PXDNL: variants seen among roughly 807,000 people sequenced by gnomAD.
PXDNL encodes peroxidasin like.
In PXDNL, 145 loss-of-function variants were observed where a neutral mutation model predicts 150.8. That is an observed-to-expected ratio of 0.96 (90% CI 0.84 to 1.10). The LOEUF is 1.10. Ranked by LOEUF, PXDNL falls within the 50% of genes least tolerant of loss-of-function variation. The pLI, the probability that PXDNL is intolerant of heterozygous loss-of-function variation, is 0.00. For synonymous variants in PXDNL, 757 were observed against 725.7 expected (o/e 1.04, Z -0.69); for missense variants, 2,087 against 1,873.9 (o/e 1.11, Z -2.10).
intron 2 of PXDNL, among the ~76,000 whole-genome samples, chr8:51,622,999 G>A (rs1396216361): frequency 1.3e-5 from 2 of 152,212 alleles, no homozygotes; most frequent in African/African-American, 4.8e-5. Flanking sequence ...ATAGGTAGCT[G>A]TTCAAAACCT....
chr8:51,453,589 A>G lies in PXDNL; in HGVS notation c.1179T>C (p.His393=). The G allele has an allele frequency of 1.2e-6, 2 of 1,614,044 alleles. No individual in the cohort carries two copies. The highest frequency in any genetic ancestry group is 1.7e-6 in the Non-Finnish European group (2 of 1,179,888). ...TGTTGGCATGACAGGTAAATCGACC[A>G]TGATCCCGTTGTGTGATGTTCTGTA... ...LYLQNITQRD[H]GRFTCHANNS... The change falls in exon 10 of 23, where the codon CAT becomes CAC. Residue 393 remains histidine, a synonymous_variant. Transcript: ENST00000356297.
intron 6 of PXDNL, among the ~76,000 whole-genome samples, chr8:51,480,207 C>A (rs944143757): frequency 6.6e-6 from 1 of 152,138 alleles, no homozygotes; most frequent in African/African-American, 2.4e-5. Flanking sequence ...ACAAAAGTGG[C>A]CTCTGTATTA....
chr8:51,409,624 A>G lies in PXDNL; in HGVS notation c.2063-63T>C. The G allele has an allele frequency of 2.9e-6, 4 of 1,400,084 alleles. No individual in the cohort carries two copies. In the South Asian group the frequency reaches 5.8e-5, roughly 20 times the overall value. The allele number at this position is 1,400,084 out of a possible 1,614,324, so 86.7% of individuals were successfully genotyped here. ...CCTGGGAGGGCGCGGGCAACTTGGA[A>G]CTCCAGATGCTGCGGGAACCACCTC... On this transcript the variant is annotated intron_variant, in intron 16 of 22. Transcript: ENST00000356297.
chr8:51,439,765 C>A (rs1350632165), intron 12 of PXDNL, among the ~76,000 whole-genome samples: 2 of 136,548 alleles, frequency 1.5e-5, no homozygotes, highest in African/African-American at 5.5e-5. Flanking sequence ...GCAGAGGTTG[C>A]AGTAAGCCAA....
In PXDNL at chr8:51,498,711, G is replaced by A. The variant is rs536085179; in HGVS notation, c.452+988C>T. Among the ~76,000 whole-genome samples, 17 of 152,210 alleles carry A rather than the reference G, an allele frequency of 1.1e-4. 1 individual carries two copies. In the South Asian group the frequency reaches 1.9e-3, roughly 17 times the overall value. On this transcript the variant is annotated intron_variant, in intron 5 of 22. Transcript: ENST00000356297. ...GAATACAAAACATTGCCAGGCCTAC[G>A]GAGGCTCCTCCTGCCATTTCCAATG...
chr8:51,665,002 C>T (rs907658662), intron 1 of PXDNL, among the ~76,000 whole-genome samples: 3 of 152,202 alleles, frequency 2.0e-5, no homozygotes, highest in African/African-American at 4.8e-5. Context: ...TGGGAGCACC[C>T]GCACAGGAGG....
At position 51,409,547 on chromosome 8, in the gene PXDNL, C is replaced by A; in HGVS notation, c.2077G>T (p.Asp693Tyr). 1 of 1,582,408 alleles carries A rather than the reference C, an allele frequency of 6.3e-7. No individual in the cohort carries two copies. The highest frequency in any genetic ancestry group is 8.6e-7 in the Non-Finnish European group (1 of 1,162,790). Residue 693 changes from aspartate to tyrosine, a missense_variant, in exon 17 of 23, where the codon GAC becomes TAC. Physicochemically the swap from Asp to Tyr is radical, Grantham distance 160 (BLOSUM62 -3). Transcript: ENST00000356297. ...CTGAGGGAGCGCGGGGACACCAAGT[C>A]ATTGTACCGGAATTCTGAAAGGCAA... Reference protein sequence around the residue: ...DLEGKEFRYNDLVSPRSLSLI... With the variant: ...DLEGKEFRYNYLVSPRSLSLI...
chr8:51,658,672 A>G (rs1372341386), intron 1 of PXDNL, among the ~76,000 whole-genome samples: 1 of 152,196 alleles, frequency 6.6e-6, no homozygotes, highest in Admixed American at 6.5e-5. Context: ...TTTAAATTCA[A>G]ATGGCCACCA....
At chr8:51,797,247 C>G (rs751285258) in intron 1 of PXDNL, among the ~76,000 whole-genome samples, 1 of 152,100 alleles carries the variant, frequency 6.6e-6, no homozygotes, top group Non-Finnish European at 1.5e-5. Context: ...AGAAGCATTC[C>G]CCTTGAAAAC....
At chr8:51,535,897 C>T (rs545542851) in intron 4 of PXDNL, among the ~76,000 whole-genome samples, 49 of 152,218 alleles carry the variant, frequency 3.2e-4, no homozygotes, top group African/African-American at 1.2e-3. Context: ...TTTGCTCTTG[C>T]CCCCCTCCCT....
At chr8:51,797,524 C>T (rs1184676145) in intron 1 of PXDNL, among the ~76,000 whole-genome samples, 9 of 152,098 alleles carry the variant, frequency 5.9e-5, no homozygotes, top group Non-Finnish European at 1.3e-4. Context: ...TTCCTATAAA[C>T]CAACAACAGA....
chr8:51,766,842 A>T (rs545942426), intron 1 of PXDNL, among the ~76,000 whole-genome samples: 2 of 152,160 alleles, frequency 1.3e-5, no homozygotes, highest in South Asian at 2.1e-4. Context: ...TTTGATGTGT[A>T]TAATTGTTTT....
At chr8:51,705,832 TGCGC>T (rs10589855) in intron 1 of PXDNL, among the ~76,000 whole-genome samples, 13,422 of 149,604 alleles carry the variant, frequency 0.09, 682 homozygotes, top group African/African-American at 0.16. Context: ...TGTGTGTGTG[TGCGC>T]GCGCGCGCGC....
At chr8:51,352,105 C>T (rs1806371171) in intron 19 of PXDNL, among the ~76,000 whole-genome samples, 1 of 152,128 alleles carries the variant, frequency 6.6e-6, no homozygotes, top group African/African-American at 2.4e-5. Flanking sequence ...CAACCATCCA[C>T]TGCACACTGC....
At chr8:51,548,215 G>A (rs1812404894) in intron 4 of PXDNL, among the ~76,000 whole-genome samples, 1 of 151,924 alleles carries the variant, frequency 6.6e-6, no homozygotes, top group South Asian at 2.1e-4. Flanking sequence ...CCAAACATTA[G>A]AATAATTGGT....
chr8:51,409,075 G>C lies in PXDNL; in HGVS notation c.2549C>G (p.Ala850Gly). Residue 850 changes from alanine to glycine, a missense_variant, in exon 17 of 23, where the codon GCC becomes GGC. Physicochemically the swap from Ala to Gly is moderately conservative, Grantham distance 60. Transcript: ENST00000356297. ...GGGCGCGTGGGTGCCCCGGGGGTCG[G>C]CGTGCCGGGTGTTCATGGGGAAACA... ...PPCFPMNTRH[A>G]DPRGTHAPCM... The C allele has an allele frequency of 6.2e-7, 1 of 1,609,558 alleles. No homozygotes were observed. Among genetic ancestry groups the C allele is most frequent in the Non-Finnish European group, 8.5e-7 (1 of 1,179,466 alleles).
chr8:51,585,552 A>G (rs555897919), intron 3 of PXDNL, among the ~76,000 whole-genome samples: 1 of 152,294 alleles, frequency 6.6e-6, no homozygotes, highest in African/African-American at 2.4e-5. Flanking sequence ...GAATGGTTCC[A>G]TATGTTTAAC....
At chr8:51,355,532 G>A (rs1442496422) in intron 19 of PXDNL, among the ~76,000 whole-genome samples, 1 of 152,140 alleles carries the variant, frequency 6.6e-6, no homozygotes, top group Non-Finnish European at 1.5e-5. Flanking sequence ...GTCTTAGTAC[G>A]TCACTTATCT....
rs372600796 is a variant in PXDNL at position 51,451,783 on chromosome 8, A to G, written c.1249+1736T>C. Among the ~76,000 whole-genome samples the G allele has an allele frequency of 8.5e-5, 13 of 152,332 alleles. 1 individual carries two copies. The South Asian group carries it at 1.2e-3, about 15-fold the overall frequency. Reference sequence around the variant, plus strand: ...ATAGAAACCTGTTAAAATGACACAAAAGGATACATCTTAAAATGTTTCATC... The same window carrying G: ...ATAGAAACCTGTTAAAATGACACAAGAGGATACATCTTAAAATGTTTCATC... On this transcript the variant is annotated intron_variant, in intron 10 of 22. Coordinates refer to ENST00000356297, the MANE Select transcript of PXDNL (RefSeq NM_144651.5).
Sources: allele counts gnomAD v4.1 joint callset (sites outside exome capture counted in the v4.1 genomes callset), GRCh38; gene constraint gnomAD v4.1.1; transcripts MANE v1.5; gene names NCBI Gene and HGNC (gene_info 2026-07-23, HGNC 2026-07-21).